GPHN: variants seen among roughly 807,000 people sequenced by gnomAD.
GPHN encodes the protein gephyrin.
A neutral mutation model predicts 95.5 loss-of-function variants in GPHN; 17 were observed. The observed-to-expected ratio is 0.18, with a 90% CI of 0.12 to 0.27. The LOEUF is 0.27. GPHN is among the 10% of genes least tolerant of loss of function. The pLI is 1.00. For synonymous variants in GPHN, 320 were observed against 322.5 expected (o/e 0.99, Z 0.08); for missense variants, 660 against 978.1 (o/e 0.67, Z 4.34).
the GPHN span, among the ~76,000 whole-genome samples, chr14:67,234,547 C>CAA: frequency 6.6e-6 from 1 of 152,008 alleles, no homozygotes; most frequent in Non-Finnish European, 1.5e-5. Context: ...ATTAGAGTTC[C>CAA]ACTCTTTGCT....
the GPHN span, among the ~76,000 whole-genome samples, chr14:67,424,145 C>T: frequency 0.036 from 5,468 of 152,164 alleles, 128 homozygotes; most frequent in Non-Finnish European, 0.053. Flanking sequence ...GAGGCTGAGG[C>T]AGGAGAATCA....
In GPHN at chr14:66,924,297, G is replaced by A. The variant is rs1318993539; in HGVS notation, c.828+5G>A. 3 of 1,519,118 alleles carry A rather than the reference G, an allele frequency of 2.0e-6. No homozygotes were observed. The highest frequency in any genetic ancestry group is 1.8e-6 in the Non-Finnish European group (2 of 1,093,376). The allele number at this position is 1,519,118 out of a possible 1,614,324, so 94.1% of individuals were successfully genotyped here. On this transcript the variant is annotated splice_donor_5th_base_variant and intron_variant, in intron 8 of 22. Transcript: ENST00000478722. The stretch of plus-strand genomic sequence containing the variant: ...CATCATTCAACAGATGAACGGGTAA[G>A]ACAAGAGGCTTTTGCATTAATGGTT...
At chr14:66,775,468 A>G (rs113710378) in intron 2 of GPHN, among the ~76,000 whole-genome samples, 83 of 152,290 alleles carry the variant, frequency 5.5e-4, no homozygotes, top group African/African-American at 1.7e-3. Context: ...GTAAAAACAG[A>G]TGAAATTAAC....
chr14:67,249,143 G>A, the GPHN span, among the ~76,000 whole-genome samples: 1 of 151,632 alleles, frequency 6.6e-6, no homozygotes, highest in Non-Finnish European at 1.5e-5. Context: ...TTGTATTTTT[G>A]TGGAGATGGG....
intron 3 of GPHN, among the ~76,000 whole-genome samples, chr14:66,817,224 T>C (rs533661456): frequency 8.3e-4 from 127 of 152,118 alleles, no homozygotes; most frequent in Non-Finnish European, 6.0e-4. Flanking sequence ...TGTGTGTTTG[T>C]GTATGTGTAT....
At chr14:66,687,329 A>G (rs1405509446) in intron 2 of GPHN, among the ~76,000 whole-genome samples, 1 of 152,008 alleles carries the variant, frequency 6.6e-6, no homozygotes, top group Non-Finnish European at 1.5e-5. Flanking sequence ...TTGGCTATTC[A>G]GGGTCTTTTA....
At chr14:67,165,910 CATG>C (rs1387375108) in intron 20 of GPHN, among the ~76,000 whole-genome samples, 1 of 152,158 alleles carries the variant, frequency 6.6e-6, no homozygotes, top group Non-Finnish European at 1.5e-5. Flanking sequence ...TATATAAAGT[CATG>C]GTGAATCTTG....
At chr14:67,015,932 T>C (rs1053311471) in intron 9 of GPHN, among the ~76,000 whole-genome samples, 1 of 152,192 alleles carries the variant, frequency 6.6e-6, no homozygotes, top group Non-Finnish European at 1.5e-5. Context: ...CAGAATTTTT[T>C]TTAACCCTGA....
chr14:67,061,633 A>G (rs2075826602), intron 11 of GPHN, among the ~76,000 whole-genome samples: 1 of 151,922 alleles, frequency 6.6e-6, no homozygotes, highest in Non-Finnish European at 1.5e-5. Flanking sequence ...ACCTGACATG[A>G]TGATTCTTAC....
chr14:66,626,391 A>T (rs1229739353), intron 1 of GPHN, among the ~76,000 whole-genome samples: 16 of 152,242 alleles, frequency 1.1e-4, no homozygotes, highest in Admixed American at 8.5e-4. Context: ...ACATTCATTT[A>T]AGTAATTGGA....
the GPHN span, chr14:67,397,637 CTGGACAGCAGGGGCCATCA>C: frequency 6.3e-7 from 1 of 1,591,314 alleles, no homozygotes; most frequent in Non-Finnish European, 8.6e-7. Context: ...CAGAGAGGAG[CTGGACAGCAGGGGCCATCA>C]CTTACCGGTC....
the GPHN span, chr14:67,381,466 C>T: frequency 1.6e-6 from 1 of 613,162 alleles, no homozygotes; most frequent in Non-Finnish European, 2.8e-6. Context: ...TAAGGAACTG[C>T]AGTATAGAGA....
At chr14:66,887,866 T>A (rs1327266296) in intron 5 of GPHN, among the ~76,000 whole-genome samples, 1 of 152,162 alleles carries the variant, frequency 6.6e-6, no homozygotes, top group Non-Finnish European at 1.5e-5. Context: ...ACAGATACCA[T>A]GCAAGAACAG....
the GPHN span, among the ~76,000 whole-genome samples, chr14:67,195,110 C>T: frequency 6.6e-6 from 1 of 152,204 alleles, no homozygotes; most frequent in Non-Finnish European, 1.5e-5. Flanking sequence ...ATTTAGCACA[C>T]ACTTCTCAGC....
At chr14:66,797,190 G>A (rs57005763) in intron 3 of GPHN, among the ~76,000 whole-genome samples, 2 of 151,420 alleles carry the variant, frequency 1.3e-5, no homozygotes, top group African/African-American at 4.8e-5. Context: ...ATTAACCTAG[G>A]TGTCTGTTTT....
chr14:66,683,357 T>TGTTC lies in GPHN; in HGVS notation c.143+2172_143+2173insGTTC, dbSNP rs369459834. 6.4e-3 allele frequency among the ~76,000 whole-genome samples: 205 copies of TGTTC among 32,074 alleles called. 17 individuals carry two copies. The highest frequency in any genetic ancestry group is 0.02 in the South Asian group (21 of 1,060). The allele number at this position is 32,074 out of a possible 152,430, so 21.0% of individuals were successfully genotyped here. A position where few individuals can be genotyped will look rare whatever the true frequency, so the allele number is the denominator to read the frequency against. On this transcript the variant is annotated intron_variant, in intron 2 of 22. Coordinates refer to ENST00000478722, the MANE Select transcript of GPHN (RefSeq NM_020806.5). ...ATATATATATATATATATATATATATATATATATATATATATATATATGTT... is the reference window on the plus strand; with the variant it reads ...ATATATATATATATATATATATATATGTTCATATATATATATATATATATATGTT...
At chr14:67,560,728 T>C in the GPHN span, among the ~76,000 whole-genome samples, 1,894 of 31,400 alleles carry the variant, frequency 0.06, 44 homozygotes, top group African/African-American at 0.19. Context: ...AACATATATC[T>C]TTTTTTTTTT....
At chr14:66,792,086 A>C (rs1256072752) in intron 3 of GPHN, among the ~76,000 whole-genome samples, 2 of 152,146 alleles carry the variant, frequency 1.3e-5, no homozygotes, top group African/African-American at 4.8e-5. Flanking sequence ...TGATTCAATT[A>C]TCTCCACCTG....
At chr14:67,447,252 T>A in the GPHN span, 1 of 152,148 alleles carries the variant, frequency 6.6e-6, no homozygotes, top group Non-Finnish European at 1.5e-5. Flanking sequence ...TCAGGCCTAA[T>A]TCACAAGGGC....
Sources: allele counts gnomAD v4.1 joint callset (sites outside exome capture counted in the v4.1 genomes callset), GRCh38; gene constraint gnomAD v4.1.1; transcripts MANE v1.5; gene names NCBI Gene and HGNC (gene_info 2026-07-23, HGNC 2026-07-21).